FAM13C: variants seen among roughly 807,000 people sequenced by gnomAD.
The protein encoded by FAM13C is protein FAM13C.
Under a neutral mutation model 73.2 loss-of-function variants are expected in FAM13C, and 37 were observed. The ratio of observed to expected loss-of-function variants is 0.51; its 90% CI spans 0.39 to 0.67. The LOEUF (loss-of-function observed/expected upper bound fraction) is 0.67, where lower values mean the gene tolerates loss of function less well. Ranked by LOEUF, FAM13C falls within the 30% of genes least tolerant of loss-of-function variation. FAM13C has a pLI of 0.00. For missense variants in FAM13C, 589 were observed against 715.6 expected, an observed-to-expected ratio of 0.82 and a Z score of 2.02; for synonymous variants, 246 against 260.9, an observed-to-expected ratio of 0.94 and a Z score of 0.55.
chr10:59,297,025 G>A (rs140212653), intron 5 of FAM13C: 140 of 152,310 alleles, frequency 9.2e-4, no homozygotes, highest in African/African-American at 3.1e-3. Context: ...CCATTAAAGA[G>A]ATGCTATTAT....
chr10:59,257,850 C>G (rs1025411475), intron 10 of FAM13C, among the ~76,000 whole-genome samples: 2 of 152,192 alleles, frequency 1.3e-5, no homozygotes, highest in Non-Finnish European at 2.9e-5. Flanking sequence ...AACTTATAAA[C>G]TGTTTTTAAC....
chr10:59,249,040 T>C lies in FAM13C; in HGVS notation c.1635-1303A>G, dbSNP rs142600239. On this transcript the variant is annotated intron_variant, in intron 13 of 13. Coordinates refer to ENST00000618804, the MANE Select transcript of FAM13C (RefSeq NM_198215.4). The stretch of plus-strand genomic sequence containing the variant: ...AGATCTAAGTAAAGAAATTGTCTAA[T>C]TATTACAGAGAAACATTAATAATCA... Among the ~76,000 whole-genome samples the C allele has an allele frequency of 5.9e-5, 9 of 152,324 alleles. No homozygotes were observed. The East Asian group carries it at 1.3e-3, about 23-fold the overall frequency.
At chr10:59,321,240 G>T (rs976336571) in intron 4 of FAM13C, among the ~76,000 whole-genome samples, 9 of 151,982 alleles carry the variant, frequency 5.9e-5, no homozygotes, top group African/African-American at 1.7e-4. Context: ...ATCAAAAAAT[G>T]TTTCCCAGCC....
chr10:59,283,343 C>G lies in FAM13C; in HGVS notation c.592+20G>C. On this transcript the variant is annotated intron_variant, in intron 6 of 13. Transcript: ENST00000618804. Reference sequence around the variant, plus strand: ...ACCTTGAGAGTACAATTTGGGACAACCCCCAGCCCTGTATCTTACCTGCAG... The same window carrying G: ...ACCTTGAGAGTACAATTTGGGACAAGCCCCAGCCCTGTATCTTACCTGCAG... 1 of 1,612,804 alleles carries G rather than the reference C, an allele frequency of 6.2e-7. No individual in the cohort carries two copies. The highest frequency in any genetic ancestry group is 8.5e-7 in the Non-Finnish European group (1 of 1,179,074).
chr10:59,289,335 GAC>G (rs1276686387), intron 5 of FAM13C, among the ~76,000 whole-genome samples: 1 of 131,346 alleles, frequency 7.6e-6, no homozygotes, highest in African/African-American at 2.9e-5. Context: ...TGGGGTTGGA[GAC>G]CCCTGATCTA....
intron 6 of FAM13C, 43 bp from the exon 7 acceptor site, chr10:59,270,152 G>A (rs772608949): frequency 1.3e-6 from 2 of 1,573,368 alleles, no homozygotes; most frequent in African/African-American, 2.7e-5. Context: ...AAGTGACAGA[G>A]GGCTTGAGAC....
intron 8 of FAM13C, among the ~76,000 whole-genome samples, chr10:59,265,385 G>T (rs1044658721): frequency 8.3e-6 from 1 of 120,542 alleles, no homozygotes; most frequent in Admixed American, 1.2e-4. Context: ...TCAATCCCCA[G>T]CTCTCTAAAA....
intron 11 of FAM13C, chr10:59,253,919 G>A (rs958373112): frequency 6.1e-6 from 1 of 163,676 alleles, no homozygotes; most frequent in Non-Finnish European, 1.3e-5. Context: ...GTACAGTATG[G>A]TCAAATGGTA....
chr10:59,267,857 A>G (rs1346878190), intron 8 of FAM13C, among the ~76,000 whole-genome samples: 1 of 152,204 alleles, frequency 6.6e-6, no homozygotes, highest in Non-Finnish European at 1.5e-5. Flanking sequence ...TTCTCTGTGG[A>G]TATGCTTTTT....
intron 3 of FAM13C, among the ~76,000 whole-genome samples, chr10:59,325,622 A>G (rs1054033984): frequency 6.6e-6 from 1 of 152,152 alleles, no homozygotes; most frequent in Non-Finnish European, 1.5e-5. Context: ...CTACTTGCTC[A>G]GTGTATGACC....
At chr10:59,265,623 AACAC>A (rs199562070) in intron 8 of FAM13C, among the ~76,000 whole-genome samples, 2 of 151,980 alleles carry the variant, frequency 1.3e-5, no homozygotes, top group African/African-American at 2.4e-5. Context: ...GGTAAAAACA[AACAC>A]ACACACACAC....
chr10:59,355,918 G>A lies in FAM13C; in HGVS notation c.88C>T (p.His30Tyr), dbSNP rs1159198426. ...CTGGAGCAATCAGTCTGGTCTTCAT[G>A]TAGAGAGACTGGATCTTCGTCACAC... Reference protein sequence around the residue: ...TECDEDPVSLHEDQTDCSSLR... With the variant: ...TECDEDPVSLYEDQTDCSSLR... Residue 30 changes from histidine (H) to tyrosine (Y), a missense_variant, in exon 2 of 14, where the codon CAT becomes TAT. By Grantham distance (83) the His-to-Tyr change is moderately conservative (BLOSUM62 2). Coordinates refer to ENST00000618804, the MANE Select transcript of FAM13C (RefSeq NM_198215.4). 1.2e-6 allele frequency: 2 copies of A among 1,613,910 alleles called. No homozygotes were observed. Among genetic ancestry groups the A allele is most frequent in the Non-Finnish European group, 1.7e-6 (2 of 1,179,940 alleles).
chr10:59,274,765 C>G (rs565651553), intron 6 of FAM13C, among the ~76,000 whole-genome samples: 7 of 152,360 alleles, frequency 4.6e-5, no homozygotes, highest in Admixed American at 2.6e-4. Flanking sequence ...CAATGGACAG[C>G]TTCTGATCTC....
chr10:59,254,546 T>C, intron 10 of FAM13C, 103 bp from the exon 11 acceptor site: 1 of 475,350 alleles, frequency 2.1e-6, no homozygotes, highest in Admixed American at 3.3e-5. Flanking sequence ...TATAATACTA[T>C]AATGCAGCAG....
chr10:59,339,005 G>C (rs1336117735), intron 3 of FAM13C, among the ~76,000 whole-genome samples: 1 of 152,100 alleles, frequency 6.6e-6, no homozygotes, highest in Non-Finnish European at 1.5e-5. Context: ...CTCTCCAAAG[G>C]CTCTGGGGGA....
chr10:59,330,957 T>A (rs1430070967), intron 3 of FAM13C, among the ~76,000 whole-genome samples: 1 of 152,194 alleles, frequency 6.6e-6, no homozygotes, highest in Non-Finnish European at 1.5e-5. Context: ...TGTCCTAGAC[T>A]TGACCACTGT....
At chr10:59,356,886 A>G (rs994108608) in intron 1 of FAM13C, among the ~76,000 whole-genome samples, 4 of 152,234 alleles carry the variant, frequency 2.6e-5, no homozygotes, top group Admixed American at 2.6e-4. Context: ...TAAAGCAGGC[A>G]GAAGAAGCTG....
chr10:59,252,699 C>G, intron 12 of FAM13C, 100 bp downstream of exon 12: 5 of 1,163,760 alleles, frequency 4.3e-6, no homozygotes, highest in Middle Eastern at 5.7e-4. Flanking sequence ...TTGACCCACC[C>G]CTTTGAGTCC....
chr10:59,331,981 C>T (rs1042686139), intron 3 of FAM13C, among the ~76,000 whole-genome samples: 1 of 151,948 alleles, frequency 6.6e-6, no homozygotes, highest in Non-Finnish European at 1.5e-5. Flanking sequence ...AATAGAGGAG[C>T]TGGAATCTTA....
Sources: gnomAD v4.1 joint callset for allele counts (sites outside exome capture counted in the v4.1 genomes callset) on GRCh38, gnomAD v4.1.1 for gene constraint, MANE v1.5 for transcripts, NCBI Gene and HGNC (gene_info 2026-07-23, HGNC 2026-07-21) for gene names.